The following MAF variants were observed in gnomAD, a reference collection of about 807,000 sequenced individuals.
MAF encodes transcription factor Maf.
In MAF, 10 loss-of-function variants were observed where a neutral mutation model predicts 22.0. The ratio of observed to expected loss-of-function variants is 0.45; its 90% CI spans 0.28 to 0.77. MAF has a LOEUF of 0.77. Among genes scored for constraint, MAF ranks in the 30% least tolerant of loss-of-function variants. The pLI, the probability that MAF is intolerant of heterozygous loss-of-function variation, is 0.12. For missense variants in MAF, 544 were observed against 548.4 expected, an observed-to-expected ratio of 0.99 and a Z score of 0.08; for synonymous variants, 337 against 255.8, an observed-to-expected ratio of 1.32 and a Z score of -3.03.
At chr16:79,593,615 T>G (rs1265243037), downstream of MAF, among the ~76,000 whole-genome samples, 1 of 152,196 alleles carries the variant, frequency 6.6e-6, no homozygotes, top group Non-Finnish European at 1.5e-5. Context: ...TTTGAGACAG[T>G]GAGGAAATGA....
At chr16:79,240,071 A>G in the MAF span, among the ~76,000 whole-genome samples, 2 of 151,860 alleles carry the variant, frequency 1.3e-5, no homozygotes, top group Non-Finnish European at 2.9e-5. Flanking sequence ...CTTGCAAAGA[A>G]CATCAAAGGG....
the MAF span, among the ~76,000 whole-genome samples, chr16:79,216,868 G>A: frequency 6.0e-3 from 911 of 150,744 alleles, 3 homozygotes; most frequent in African/African-American, 0.017. Context: ...GGAGTGCAGC[G>A]GCACGATCTT....
the MAF span, among the ~76,000 whole-genome samples, chr16:79,391,988 G>A: frequency 6.7e-6 from 1 of 150,330 alleles, no homozygotes; most frequent in Non-Finnish European, 1.5e-5. Context: ...GGAGAGGCGA[G>A]AGAGAAGGAG....
intron 1 of MAF, among the ~76,000 whole-genome samples, chr16:79,587,122 C>T (rs1307330780): frequency 4.6e-5 from 7 of 152,192 alleles, no homozygotes; most frequent in Non-Finnish European, 7.3e-5. Context: ...TAAGACTATG[C>T]CCACAGCACT....
the MAF span, among the ~76,000 whole-genome samples, chr16:79,255,648 T>C: frequency 2.0e-5 from 3 of 152,296 alleles, no homozygotes; most frequent in Middle Eastern, 3.4e-3. Context: ...GTGGAAAGCA[T>C]TGTCTTCAAC....
the MAF span, among the ~76,000 whole-genome samples, chr16:79,567,000 A>G: frequency 6.6e-6 from 1 of 152,196 alleles, no homozygotes; most frequent in African/African-American, 2.4e-5. Context: ...GTAAATGCAT[A>G]TAAAGAAAGA....
At chr16:79,465,057 C>T in the MAF span, among the ~76,000 whole-genome samples, 1 of 152,202 alleles carries the variant, frequency 6.6e-6, no homozygotes, top group Non-Finnish European at 1.5e-5. Context: ...AATGGACCAA[C>T]AGCCACCAGG....
the MAF span, among the ~76,000 whole-genome samples, chr16:79,446,300 G>A: frequency 6.6e-6 from 1 of 152,112 alleles, no homozygotes; most frequent in African/African-American, 2.4e-5. Context: ...ACCAATATGT[G>A]TTTTTGAACA....
the MAF span, among the ~76,000 whole-genome samples, chr16:79,209,053 C>T: frequency 6.6e-6 from 1 of 152,164 alleles, no homozygotes; most frequent in African/African-American, 2.4e-5. Flanking sequence ...CTGTGTTCTA[C>T]AAAGCCAGAG....
At chr16:79,328,247 A>G in the MAF span, among the ~76,000 whole-genome samples, 2 of 151,886 alleles carry the variant, frequency 1.3e-5, no homozygotes, top group Non-Finnish European at 2.9e-5. Context: ...CATCCTCATT[A>G]TATATAAGCT....
the MAF span, among the ~76,000 whole-genome samples, chr16:79,288,676 T>C: frequency 6.6e-6 from 1 of 152,190 alleles, no homozygotes; most frequent in East Asian, 1.9e-4. Context: ...GTGAGTGAAT[T>C]AGGTAAACAT....
chr16:79,553,956 G>A, the MAF span, among the ~76,000 whole-genome samples: 1 of 152,080 alleles, frequency 6.6e-6, no homozygotes, highest in East Asian at 1.9e-4. Context: ...AGGTGTGGTG[G>A]TGCACACCTG....
At chr16:79,213,039 G>T in the MAF span, 1 of 133,678 alleles carries the variant, frequency 7.5e-6, no homozygotes, top group African/African-American at 2.8e-5. Flanking sequence ...AGTGATTAGC[G>T]GGTATCTCTA....
the MAF span, among the ~76,000 whole-genome samples, chr16:79,458,332 A>C: frequency 6.6e-6 from 1 of 152,134 alleles, no homozygotes; most frequent in Non-Finnish European, 1.5e-5. Flanking sequence ...GGGGACAAGG[A>C]CAAGTGGATT....
At chr16:79,230,915 G>A in the MAF span, among the ~76,000 whole-genome samples, 7 of 151,986 alleles carry the variant, frequency 4.6e-5, no homozygotes, top group African/African-American at 1.7e-4. Context: ...TACGGGGTAG[G>A]GCTGCATACG....
the MAF span, among the ~76,000 whole-genome samples, chr16:79,241,874 G>A: frequency 3.9e-5 from 6 of 152,064 alleles, no homozygotes; most frequent in Admixed American, 3.9e-4. Context: ...CCAGAAGAGA[G>A]TGGGGGCCAA....
the MAF span, among the ~76,000 whole-genome samples, chr16:79,289,510 T>G: frequency 6.6e-6 from 1 of 152,022 alleles, no homozygotes; most frequent in African/African-American, 2.4e-5. Flanking sequence ...TGAGAGTACT[T>G]GATTAATTCG....
chr16:79,472,936 G>C, the MAF span, among the ~76,000 whole-genome samples: 1 of 151,960 alleles, frequency 6.6e-6, no homozygotes, highest in Admixed American at 6.6e-5. Flanking sequence ...CCGAGGCCCG[G>C]TACCATATGG....
the MAF span, among the ~76,000 whole-genome samples, chr16:79,501,414 G>A: frequency 6.6e-6 from 1 of 152,138 alleles, no homozygotes; most frequent in Non-Finnish European, 1.5e-5. Context: ...GGTTCTGGGT[G>A]GACATAAACT....
Sources: gnomAD v4.1 joint callset for allele counts (sites outside exome capture counted in the v4.1 genomes callset) on GRCh38, gnomAD v4.1.1 for gene constraint, MANE v1.5 for transcripts, NCBI Gene and HGNC (gene_info 2026-07-23, HGNC 2026-07-21) for gene names.